STAG1: variants seen among roughly 807,000 people sequenced by gnomAD.
STAG1 encodes the protein STAG1 cohesin complex component, also known as cohesin subunit SA-1.
Under a neutral mutation model 170.9 loss-of-function variants are expected in STAG1, and 26 were observed. The observed-to-expected ratio is 0.15, with a 90% CI of 0.11 to 0.21. The LOEUF (loss-of-function observed/expected upper bound fraction) is 0.21. STAG1 is among the 10% of genes least tolerant of loss of function. The pLI, the probability that STAG1 is intolerant of heterozygous loss-of-function variation, is 1.00. For missense variants in STAG1, 964 were observed against 1,509.5 expected, an observed-to-expected ratio of 0.64 and a Z score of 5.99; for synonymous variants, 514 against 497.7, an observed-to-expected ratio of 1.03 and a Z score of -0.44.
intron 5 of STAG1, among the ~76,000 whole-genome samples, chr3:136,567,291 GGCTGCAAAATGAGC>G (rs1937116155): frequency 6.6e-6 from 1 of 152,112 alleles, no homozygotes; most frequent in African/African-American, 2.4e-5. Flanking sequence ...CCTACTTTAA[GGCTGCAAAATGAGC>G]AAACTCTCTT....
chr3:136,558,594 C>T (rs1385249604), intron 5 of STAG1, among the ~76,000 whole-genome samples: 12 of 152,104 alleles, frequency 7.9e-5, no homozygotes, highest in Non-Finnish European at 4.4e-5. Flanking sequence ...TCCTACTCAA[C>T]AACATAAAAC....
chr3:136,739,503 CAAAA>C (rs1165327249), intron 1 of STAG1, among the ~76,000 whole-genome samples: 3 of 45,690 alleles, frequency 6.6e-5, no homozygotes, highest in Non-Finnish European at 8.8e-5. Context: ...CAGACTCCGT[CAAAA>C]AAAAAAAAAA....
At chr3:136,511,918 T>A (rs576556793) in intron 7 of STAG1, among the ~76,000 whole-genome samples, 95 of 136,672 alleles carry the variant, frequency 7.0e-4, no homozygotes, top group African/African-American at 2.3e-3. Flanking sequence ...GCATTTAAAA[T>A]CACAGAAAGG....
chr3:136,531,187 AT>A (rs1449590706), intron 6 of STAG1, among the ~76,000 whole-genome samples: 1 of 151,648 alleles, frequency 6.6e-6, no homozygotes, highest in Non-Finnish European at 1.5e-5. Context: ...CATCAGAGAA[AT>A]GCAAATCAAA....
chr3:136,565,011 A>AAGGAAGGAAGGAAGGAAGGCAGGCAGGC (rs1207671431), intron 5 of STAG1, among the ~76,000 whole-genome samples: 29 of 45,392 alleles, frequency 6.4e-4, no homozygotes, highest in Middle Eastern at 9.6e-3. Context: ...GGAAGGAAGG[A>AAGGAAGGAAGGAAGGAAGGCAGGCAGGC]AGGCAGGCAG....
intron 5 of STAG1, among the ~76,000 whole-genome samples, chr3:136,545,237 G>A (rs111391026): frequency 5.5e-4 from 83 of 152,026 alleles, no homozygotes; most frequent in Non-Finnish European, 3.2e-4. Flanking sequence ...AACACAATAA[G>A]TTTTGTATTT....
At chr3:136,576,703 T>C (rs193053547) in intron 4 of STAG1, among the ~76,000 whole-genome samples, 1 of 152,308 alleles carries the variant, frequency 6.6e-6, no homozygotes. Context: ...TAAATCTGCC[T>C]AAGCTCCCTG....
chr3:136,477,461 A>C (rs199814197), intron 9 of STAG1, 49 bp from the exon 10 acceptor site: 2 of 1,502,056 alleles, frequency 1.3e-6, no homozygotes, highest in South Asian at 2.7e-5. Context: ...CAAAGCTAGA[A>C]TGCATTCATA....
chr3:136,504,199 C>T (rs1475239031), intron 7 of STAG1, among the ~76,000 whole-genome samples: 1 of 151,984 alleles, frequency 6.6e-6, no homozygotes, highest in Non-Finnish European at 1.5e-5. Context: ...TTGCTGCTGT[C>T]CTTAAACCAA....
chr3:136,422,642 A>T, intron 18 of STAG1, 29 bp from the exon 19 acceptor site: 1 of 1,588,938 alleles, frequency 6.3e-7, no homozygotes. Context: ...AAAAACTGTA[A>T]TATTTAGGTT....
intron 9 of STAG1, among the ~76,000 whole-genome samples, chr3:136,498,210 T>TATATATATATA (rs1274164696): frequency 5.9e-5 from 3 of 50,840 alleles, no homozygotes; most frequent in African/African-American, 3.8e-4. Context: ...AAAAAAAAAA[T>TATATATATATA]TATATATATA....
intron 13 of STAG1, among the ~76,000 whole-genome samples, chr3:136,456,157 G>C (rs772053266): frequency 2.6e-5 from 4 of 152,148 alleles, no homozygotes; most frequent in Non-Finnish European, 5.9e-5. Flanking sequence ...CAGAGGTCCA[G>C]CAACAGATCC....
intron 6 of STAG1, among the ~76,000 whole-genome samples, chr3:136,524,180 T>G (rs1473015595): frequency 6.6e-6 from 1 of 152,188 alleles, no homozygotes. Flanking sequence ...ATAAATTACC[T>G]TGGGCAGTAT....
chr3:136,751,487 T>C lies in STAG1; in HGVS notation c.-84+708A>G, dbSNP rs779591357. Among the ~76,000 whole-genome samples, 73 of 151,620 alleles carry C rather than the reference T, an allele frequency of 4.8e-4. 2 individuals are homozygous for C. The highest frequency in any genetic ancestry group is 3.5e-4 in the Non-Finnish European group (24 of 67,920). On this transcript the variant is annotated intron_variant, in intron 1 of 33. Transcript: ENST00000383202. Reference sequence around the variant, plus strand: ...CTCGTCTCTCAGGGGACTGGCAAACTAGCGGGGCAGTGCTTAGGCCTGGAC... The same window carrying C: ...CTCGTCTCTCAGGGGACTGGCAAACCAGCGGGGCAGTGCTTAGGCCTGGAC...
intron 14 of STAG1, among the ~76,000 whole-genome samples, chr3:136,448,719 A>T (rs1216510022): frequency 6.6e-6 from 1 of 152,140 alleles, no homozygotes; most frequent in Admixed American, 6.6e-5. Context: ...AGGGTGGATC[A>T]CCTGAGGTCA....
At chr3:136,369,385 C>T (rs1014567802) in intron 23 of STAG1, 103 bp from the exon 24 acceptor site, 22 of 805,890 alleles carry the variant, frequency 2.7e-5, no homozygotes, top group African/African-American at 9.1e-5. Context: ...AATAGCAGTA[C>T]CATAATATAA....
intron 1 of STAG1, among the ~76,000 whole-genome samples, chr3:136,691,200 C>T (rs1942710614): frequency 6.6e-6 from 1 of 151,874 alleles, no homozygotes; most frequent in Admixed American, 6.6e-5. Context: ...CTTTGGGAGG[C>T]CAAGGCGGGC....
At chr3:136,445,869 A>G (rs2088763570) in intron 14 of STAG1, among the ~76,000 whole-genome samples, 1 of 152,218 alleles carries the variant, frequency 6.6e-6, no homozygotes, top group Admixed American at 6.5e-5. Context: ...TATTATTTAT[A>G]AACTTCCTAT....
At chr3:136,615,826 C>T (rs1939567209) in intron 3 of STAG1, among the ~76,000 whole-genome samples, 2 of 151,030 alleles carry the variant, frequency 1.3e-5, no homozygotes, top group Non-Finnish European at 3.0e-5. Flanking sequence ...TCCCACCCGG[C>T]ACTATTAAAA....
Sources: allele counts gnomAD v4.1 joint callset (sites outside exome capture counted in the v4.1 genomes callset), GRCh38; gene constraint gnomAD v4.1.1; transcripts MANE v1.5; gene names NCBI Gene and HGNC (gene_info 2026-07-23, HGNC 2026-07-21).